The following KHDRBS2 variants were observed in gnomAD, a reference collection of about 807,000 sequenced individuals.
The protein encoded by KHDRBS2 is KH RNA binding domain containing, signal transduction associated 2.
Under a neutral mutation model 44.3 loss-of-function variants are expected in KHDRBS2, and 26 were observed. The observed-to-expected ratio is 0.59, with a 90% CI of 0.43 to 0.81. The LOEUF (loss-of-function observed/expected upper bound fraction) is 0.81. KHDRBS2 is among the 40% of genes least tolerant of loss of function. KHDRBS2 has a pLI of 0.00. For missense variants in KHDRBS2, 476 were observed against 433.1 expected (o/e 1.10, Z -0.88); for synonymous variants, 194 against 151.1 (o/e 1.28, Z -2.08).
At chr6:61,879,018 TA>T (rs1367122788) in intron 6 of KHDRBS2, among the ~76,000 whole-genome samples, 4 of 151,976 alleles carry the variant, frequency 2.6e-5, no homozygotes, top group African/African-American at 9.7e-5. Flanking sequence ...TCTAGACTTC[TA>T]AAGAACTTGA....
chr6:62,070,667 A>T (rs1794827699), intron 2 of KHDRBS2, among the ~76,000 whole-genome samples: 1 of 152,028 alleles, frequency 6.6e-6, no homozygotes, highest in Non-Finnish European at 1.5e-5. Context: ...AAGGACATGA[A>T]CTCATCATTT....
rs1328586879 is a variant in KHDRBS2 at position 62,177,283 on chromosome 6, T to C, written c.121A>G (p.Lys41Glu). The C allele has an allele frequency of 1.9e-6, 3 of 1,600,742 alleles. No individual in the cohort carries two copies. The highest frequency in any genetic ancestry group is 1.1e-5 in the South Asian group (1 of 90,104). The part of the protein sequence containing the change: ...EIEKFQGSDG[K>E]KEDEEKKYLD... ...TACTTCTTTTCTTCGTCTTCCTTTT[T>C]TCCATCAGAACCTTGAAACTTTTCA... The change falls in exon 2 of 9, where the codon AAA (lysine) becomes GAA (glutamate). Residue 41 changes from lysine (K) to glutamate (E), a missense_variant. Physicochemically the swap from Lys to Glu is moderately conservative, Grantham distance 56. Transcript: ENST00000281156.
At chr6:62,140,653 G>C (rs959256391) in intron 2 of KHDRBS2, among the ~76,000 whole-genome samples, 16 of 152,132 alleles carry the variant, frequency 1.1e-4, no homozygotes, top group African/African-American at 3.6e-4. Context: ...GATTCTAAAA[G>C]AGATGTTCAA....
At chr6:61,747,580 C>A (rs890420275) in intron 6 of KHDRBS2, among the ~76,000 whole-genome samples, 1 of 151,542 alleles carries the variant, frequency 6.6e-6, no homozygotes, top group African/African-American at 2.4e-5. Context: ...AAATGCATAT[C>A]AAAATGAAGT....
At chr6:61,889,624 G>A (rs952947732) in intron 6 of KHDRBS2, among the ~76,000 whole-genome samples, 41 of 152,196 alleles carry the variant, frequency 2.7e-4, no homozygotes, top group Middle Eastern at 3.4e-3. Context: ...AATGCAACCA[G>A]TTAACAGTCT....
chr6:62,121,774 C>A (rs944475364), intron 2 of KHDRBS2, among the ~76,000 whole-genome samples: 3 of 152,240 alleles, frequency 2.0e-5, no homozygotes, highest in African/African-American at 7.2e-5. Context: ...ATCTAGTGAG[C>A]AAGAAGTAGC....
At chr6:62,197,551 T>TA (rs1825955199) in intron 1 of KHDRBS2, among the ~76,000 whole-genome samples, 1 of 152,110 alleles carries the variant, frequency 6.6e-6, no homozygotes. Flanking sequence ...CACTCAGCAT[T>TA]AAAAATGAGC....
At chr6:61,609,020 T>C in the KHDRBS2 span, among the ~76,000 whole-genome samples, 1 of 152,180 alleles carries the variant, frequency 6.6e-6, no homozygotes, top group Non-Finnish European at 1.5e-5. Context: ...CCACACTGTC[T>C]TCCACAATGG....
At chr6:61,736,010 A>C (rs958483535) in intron 6 of KHDRBS2, among the ~76,000 whole-genome samples, 5 of 151,474 alleles carry the variant, frequency 3.3e-5, no homozygotes, top group African/African-American at 1.2e-4. Context: ...GTTTCTTTTC[A>C]TTCATTGTGT....
At chr6:61,594,251 A>G in the KHDRBS2 span, among the ~76,000 whole-genome samples, 1 of 151,884 alleles carries the variant, frequency 6.6e-6, no homozygotes, top group South Asian at 2.1e-4. Flanking sequence ...TTTAAACAAA[A>G]AAATATAAAA....
chr6:61,654,660 C>G, the KHDRBS2 span, among the ~76,000 whole-genome samples: 1 of 150,932 alleles, frequency 6.6e-6, no homozygotes, highest in Non-Finnish European at 1.5e-5. Flanking sequence ...CACTTCTTGT[C>G]TCTTTCATTA....
the KHDRBS2 span, among the ~76,000 whole-genome samples, chr6:61,640,740 T>C: frequency 6.6e-6 from 1 of 152,122 alleles, no homozygotes; most frequent in Non-Finnish European, 1.5e-5. Flanking sequence ...GATCCATTCA[T>C]CCTCAATGTC....
Position 62,093,731 on chromosome 6 carries a change from C to A in KHDRBS2, c.220-45737G>T, listed in dbSNP as rs1207826577. On this transcript the variant is annotated intron_variant, in intron 2 of 8. Transcript: ENST00000281156. ...ATGTTTTAGATTCCCATTTAATAAACTCATGTGGCATTTGTCTTTCTGTGC... is the reference window on the plus strand; with the variant it reads ...ATGTTTTAGATTCCCATTTAATAAAATCATGTGGCATTTGTCTTTCTGTGC... 4.0e-5 allele frequency among the ~76,000 whole-genome samples: 6 copies of A among 151,878 alleles called. No homozygotes were observed. The South Asian group carries it at 1.2e-3, about 31-fold the overall frequency.
intron 6 of KHDRBS2, among the ~76,000 whole-genome samples, chr6:61,777,376 G>A (rs1331373156): frequency 6.6e-6 from 1 of 152,074 alleles, no homozygotes; most frequent in Non-Finnish European, 1.5e-5. Context: ...GAATTAAGGA[G>A]GAAAACAGTG....
rs183301473 is a variant in KHDRBS2 at position 61,769,931 on chromosome 6, C to T, written c.811-37167G>A. Among the ~76,000 whole-genome samples, 9 of 152,276 alleles carry T rather than the reference C, an allele frequency of 5.9e-5. No homozygotes were observed. In the East Asian group the frequency reaches 1.4e-3, roughly 23 times the overall value. On this transcript the variant is annotated intron_variant, in intron 6 of 8. Transcript: ENST00000281156. ...CCCCAAGTAGCCTAACTGGGAGGCA[C>T]CCCCCAGTAGGGGTGGACTGACACC...
chr6:61,562,313 T>G, the KHDRBS2 span, among the ~76,000 whole-genome samples: 1 of 152,174 alleles, frequency 6.6e-6, no homozygotes, highest in Non-Finnish European at 1.5e-5. Context: ...TGGTAAGTTA[T>G]GCAACCAAGA....
At chr6:61,691,729 T>G (rs11969078) in intron 8 of KHDRBS2, among the ~76,000 whole-genome samples, 8,395 of 152,194 alleles carry the variant, frequency 0.055, 370 homozygotes, top group African/African-American at 0.11. Context: ...AACTGCCAGT[T>G]AACTTCATTT....
intron 3 of KHDRBS2, among the ~76,000 whole-genome samples, chr6:61,990,953 C>T (rs1024088958): frequency 3.3e-5 from 5 of 152,144 alleles, no homozygotes; most frequent in Admixed American, 6.5e-5. Context: ...TGTGATCCAT[C>T]CGCCTTGGCC....
intron 3 of KHDRBS2, among the ~76,000 whole-genome samples, chr6:61,994,698 G>C (rs1455001009): frequency 6.6e-6 from 1 of 152,092 alleles, no homozygotes; most frequent in East Asian, 1.9e-4. Context: ...TTATTCATGG[G>C]CTTATATACT....
Sources: allele counts gnomAD v4.1 joint callset (sites outside exome capture counted in the v4.1 genomes callset), GRCh38; gene constraint gnomAD v4.1.1; transcripts MANE v1.5; gene names NCBI Gene and HGNC (gene_info 2026-07-23, HGNC 2026-07-21).